The following TYW1B variants were observed in gnomAD, a reference collection of about 807,000 sequenced individuals.
TYW1B encodes S-adenosyl-L-methionine-dependent tRNA 4-demethylwyosine synthase TYW1B.
In TYW1B, 73 loss-of-function variants were observed where a neutral mutation model predicts 86.9. That is an observed-to-expected ratio of 0.84 (90% CI 0.70 to 1.02). The LOEUF (loss-of-function observed/expected upper bound fraction) is 1.02. TYW1B is among the 50% of genes least tolerant of loss of function. The pLI is 0.00. For synonymous variants in TYW1B, 248 were observed against 292.8 expected, an observed-to-expected ratio of 0.85 and a Z score of 1.56; for missense variants, 637 against 827.4, an observed-to-expected ratio of 0.77 and a Z score of 2.82.
chr7:72,623,744 T>C (rs1315379178), intron 12 of TYW1B, among the ~76,000 whole-genome samples: 1 of 152,180 alleles, frequency 6.6e-6, no homozygotes, highest in Non-Finnish European at 1.5e-5. Flanking sequence ...GCCTGCCATA[T>C]TGCTAGTTCT....
chr7:72,822,389 C>T (rs571064523), intron 2 of TYW1B, among the ~76,000 whole-genome samples: 9 of 141,954 alleles, frequency 6.3e-5, no homozygotes, highest in Admixed American at 4.4e-4. Flanking sequence ...ATCGTCAAAA[C>T]AAAAAAATTC....
In TYW1B at chr7:72,820,298, A is replaced by T. The variant is rs1425471287; in HGVS notation, c.136-4817T>A. On this transcript the variant is annotated intron_variant, in intron 2 of 13. Coordinates refer to ENST00000620995, the MANE Select transcript of TYW1B (RefSeq NM_001145440.3). Reference sequence around the variant, plus strand: ...TCAAAAAAGAAAACAAGAAATTTCAACCAAGAATTTCATATCCAGCCAAAT... The same window carrying T: ...TCAAAAAAGAAAACAAGAAATTTCATCCAAGAATTTCATATCCAGCCAAAT... 2.6e-5 allele frequency among the ~76,000 whole-genome samples: 4 copies of T among 152,222 alleles called. No individual in the cohort carries two copies. The South Asian group carries it at 8.3e-4, about 32-fold the overall frequency.
At chr7:72,814,314 G>A (rs574098846) in intron 3 of TYW1B, among the ~76,000 whole-genome samples, 1 of 152,236 alleles carries the variant, frequency 6.6e-6, no homozygotes, top group East Asian at 1.9e-4. Flanking sequence ...GCCGGGCACG[G>A]TGGCTCATGC....
intron 10 of TYW1B, among the ~76,000 whole-genome samples, chr7:72,703,012 A>ATTTTTT (rs1814515747): frequency 3.4e-5 from 1 of 29,270 alleles, no homozygotes; most frequent in Non-Finnish European, 7.9e-5. Context: ...ATATATATAT[A>ATTTTTT]TATATATATA....
intron 10 of TYW1B, among the ~76,000 whole-genome samples, chr7:72,703,597 G>A (rs1225522176): frequency 3.3e-5 from 5 of 151,722 alleles, no homozygotes; most frequent in African/African-American, 1.2e-4. Flanking sequence ...GCTCATGCCT[G>A]TAATCCCAGC....
chr7:72,782,305 TA>T (rs1296608008), intron 6 of TYW1B, among the ~76,000 whole-genome samples: 2 of 151,778 alleles, frequency 1.3e-5, no homozygotes, highest in African/African-American at 4.8e-5. Flanking sequence ...TAAAAAAATT[TA>T]AAAAAAATCA....
rs782232724 is a variant in TYW1B at position 72,807,275 on chromosome 7, C to T, written c.514G>A (p.Val172Ile). Reference protein sequence around the residue: ...MSRGEGDCDVVKSKHGSIEAN... With the variant: ...MSRGEGDCDVIKSKHGSIEAN... ...TCAATGCTGCCGTGCTTGCTTTTAA[C>T]CACGTCGCAGTCGCCCTCCCCTCGA... is the stretch of plus-strand genomic sequence containing the variant. Residue 172 changes from valine to isoleucine, a missense_variant, in exon 5 of 14, where the codon GTT (valine) becomes ATT (isoleucine). Physicochemically the swap from Val to Ile is conservative, Grantham distance 29. Transcript: ENST00000620995. The T allele has an allele frequency of 8.5e-5, 137 of 1,614,048 alleles. No individual in the cohort carries two copies. Among genetic ancestry groups the T allele is most frequent in the Non-Finnish European group, 1.5e-5 (18 of 1,180,054 alleles).
At chr7:72,779,712 CAAAAA>C (rs58301724) in intron 6 of TYW1B, among the ~76,000 whole-genome samples, 21 of 64,234 alleles carry the variant, frequency 3.3e-4, no homozygotes, top group African/African-American at 7.8e-4. Flanking sequence ...GACTCTGCCT[CAAAAA>C]AAAAAAAAAA....
intron 8 of TYW1B, among the ~76,000 whole-genome samples, chr7:72,740,675 G>A (rs1404219797): frequency 3.3e-5 from 5 of 151,298 alleles, no homozygotes; most frequent in Non-Finnish European, 7.4e-5. Flanking sequence ...ACCCTGAAGA[G>A]TGAGAAAAAT....
At chr7:72,770,073 G>GAA (rs58212815) in intron 7 of TYW1B, among the ~76,000 whole-genome samples, 10 of 121,468 alleles carry the variant, frequency 8.2e-5, no homozygotes, top group East Asian at 4.5e-4. Flanking sequence ...ACTCTGTCTC[G>GAA]AAAAAAAAAA....
chr7:72,600,818 T>G (rs1811646183), intron 13 of TYW1B, among the ~76,000 whole-genome samples: 1 of 151,680 alleles, frequency 6.6e-6, no homozygotes. Context: ...GCCATGACTG[T>G]GTCATGGCAC....
intron 11 of TYW1B, among the ~76,000 whole-genome samples, chr7:72,690,840 C>A (rs34052126): frequency 2.0e-5 from 3 of 150,450 alleles, no homozygotes; most frequent in Admixed American, 2.0e-4. Context: ...CTCCGCCTCC[C>A]GGGTTGAAGC....
chr7:72,805,060 G>A (rs1246582549), intron 5 of TYW1B, among the ~76,000 whole-genome samples: 1 of 151,862 alleles, frequency 6.6e-6, no homozygotes, highest in Non-Finnish European at 1.5e-5. Context: ...CTTGAACACT[G>A]CATATACTCA....
chr7:72,679,152 A>G (rs1554447970), intron 11 of TYW1B, among the ~76,000 whole-genome samples: 1 of 152,182 alleles, frequency 6.6e-6, no homozygotes, highest in African/African-American at 2.4e-5. Context: ...ATTCGTGAGG[A>G]TAGAAAATAG....
intron 11 of TYW1B, among the ~76,000 whole-genome samples, chr7:72,685,012 T>A (rs113933150): frequency 8.6e-5 from 13 of 151,064 alleles, no homozygotes; most frequent in African/African-American, 2.9e-4. Flanking sequence ...CTTGGGAGGC[T>A]GAGATAGGCA....
At chr7:72,631,487 C>A (rs551517677) in intron 11 of TYW1B, among the ~76,000 whole-genome samples, 18 of 152,230 alleles carry the variant, frequency 1.2e-4, no homozygotes, top group African/African-American at 4.1e-4. Context: ...GCACTCCAGC[C>A]TGGGCAACAG....
intron 7 of TYW1B, among the ~76,000 whole-genome samples, chr7:72,754,972 T>C (rs1190867755): frequency 6.6e-6 from 1 of 152,178 alleles, no homozygotes; most frequent in African/African-American, 2.4e-5. Flanking sequence ...AACAATAGTA[T>C]AGAGTATGGT....
chr7:72,719,146 T>C (rs1554456838), intron 9 of TYW1B, among the ~76,000 whole-genome samples: 1 of 151,814 alleles, frequency 6.6e-6, no homozygotes, highest in Non-Finnish European at 1.5e-5. Flanking sequence ...ATAAATTCAA[T>C]TATTATTATT....
At position 72,821,972 on chromosome 7, in the gene TYW1B, C is replaced by T. The variant is rs1338623491; in HGVS notation, c.135+4883G>A. On this transcript the variant is annotated intron_variant, in intron 2 of 13. Coordinates refer to ENST00000620995, the MANE Select transcript of TYW1B (RefSeq NM_001145440.3). Reference sequence around the variant, plus strand: ...TTAGAAACAGAAATTTAGGGCCAGGCACGTGGCTCAAGCCTGTAATCCTAA... The same window carrying T: ...TTAGAAACAGAAATTTAGGGCCAGGTACGTGGCTCAAGCCTGTAATCCTAA... 2.6e-5 allele frequency among the ~76,000 whole-genome samples: 4 copies of T among 151,870 alleles called. No individual in the cohort carries two copies. In the South Asian group the frequency reaches 8.3e-4, roughly 32 times the overall value.
Sources: gnomAD v4.1 joint callset for allele counts (sites outside exome capture counted in the v4.1 genomes callset) on GRCh38, gnomAD v4.1.1 for gene constraint, MANE v1.5 for transcripts, NCBI Gene and HGNC (gene_info 2026-07-23, HGNC 2026-07-21) for gene names.